JHY: variants seen among roughly 807,000 people sequenced by gnomAD.
The protein encoded by JHY is jhy protein homolog.
A neutral mutation model predicts 78.0 loss-of-function variants in JHY; 69 were observed. That is an observed-to-expected ratio of 0.88 (90% CI 0.73 to 1.08). The LOEUF (loss-of-function observed/expected upper bound fraction) is 1.08, where lower values mean the gene tolerates loss of function less well. Among genes scored for constraint, JHY ranks in the 50% least tolerant of loss-of-function variants. JHY has a pLI of 0.00. For synonymous variants in JHY, 368 were observed against 342.6 expected, an observed-to-expected ratio of 1.07 and a Z score of -0.82; for missense variants, 944 against 927.8, an observed-to-expected ratio of 1.02 and a Z score of -0.23.
intron 2 of JHY, among the ~76,000 whole-genome samples, chr11:122,900,010 TG>T (rs1186544980): frequency 6.6e-6 from 1 of 152,198 alleles, no homozygotes; most frequent in Admixed American, 6.5e-5. Context: ...GTGCATCACT[TG>T]GGAGAAACCT....
intron 4 of JHY, among the ~76,000 whole-genome samples, 157 bp from the exon 5 acceptor site, chr11:122,934,262 GC>G (rs1182189397): frequency 6.6e-6 from 1 of 151,914 alleles, no homozygotes; most frequent in Non-Finnish European, 1.5e-5. Flanking sequence ...CTTGCAGTGA[GC>G]CCAGATCGTG....
intron 3 of JHY, among the ~76,000 whole-genome samples, chr11:122,916,441 G>C (rs117935380): frequency 6.6e-6 from 1 of 151,966 alleles, no homozygotes; most frequent in Non-Finnish European, 1.5e-5. Flanking sequence ...TTTTACCAAG[G>C]GGCCAAGGTC....
At chr11:122,907,636 G>A (rs1409957456) in intron 3 of JHY, among the ~76,000 whole-genome samples, 1 of 151,910 alleles carries the variant, frequency 6.6e-6, no homozygotes, top group African/African-American at 2.4e-5. Flanking sequence ...CCTGAAGTTG[G>A]GAGTTCGAGA....
intron 6 of JHY, among the ~76,000 whole-genome samples, chr11:122,951,652 A>G (rs1591399882): frequency 6.6e-6 from 1 of 152,222 alleles, no homozygotes; most frequent in Non-Finnish European, 1.5e-5. Flanking sequence ...CTGAACAGTC[A>G]ATGTCACTTC....
At chr11:122,927,290 T>A (rs1160861082) in intron 4 of JHY, 2 of 152,220 alleles carry the variant, frequency 1.3e-5, no homozygotes, top group African/African-American at 4.8e-5. Context: ...ACCAAAAGAA[T>A]GCTTTTTATT....
At chr11:122,897,004 G>A (rs983273698) in intron 2 of JHY, among the ~76,000 whole-genome samples, 16 of 149,760 alleles carry the variant, frequency 1.1e-4, no homozygotes, top group Non-Finnish European at 2.2e-4. Context: ...TTACAGGCAC[G>A]TGCCGCCATG....
chr11:122,932,996 A>T (rs1047913086), intron 4 of JHY, among the ~76,000 whole-genome samples: 1 of 152,222 alleles, frequency 6.6e-6, no homozygotes, highest in African/African-American at 2.4e-5. Context: ...TTCAAATTAG[A>T]AGTCGTTATT....
chr11:122,913,438 C>G (rs2135322960), intron 3 of JHY, among the ~76,000 whole-genome samples: 1 of 152,218 alleles, frequency 6.6e-6, no homozygotes, highest in South Asian at 2.1e-4. Flanking sequence ...AAATAAAACT[C>G]AAACTCTGAG....
intron 8 of JHY, among the ~76,000 whole-genome samples, chr11:122,958,520 T>C (rs537378144): frequency 1.3e-5 from 2 of 151,554 alleles, no homozygotes; most frequent in African/African-American, 4.9e-5. Flanking sequence ...CTGAGAAGTC[T>C]AGACTTTTCT....
intron 3 of JHY, among the ~76,000 whole-genome samples, chr11:122,918,860 G>A (rs80347387): frequency 0.014 from 2,117 of 146,810 alleles, 153 homozygotes; most frequent in African/African-American, 0.054. Flanking sequence ...CCTTTTTCCT[G>A]CCTTCCTGGA....
intron 2 of JHY, among the ~76,000 whole-genome samples, chr11:122,902,708 G>T (rs1862888060): frequency 1.3e-5 from 2 of 152,124 alleles, no homozygotes; most frequent in African/African-American, 4.8e-5. Context: ...AAGAGAGAGG[G>T]TGGGGAGCTG....
At chr11:122,939,341 A>G (rs1174696639) in intron 5 of JHY, among the ~76,000 whole-genome samples, 1 of 152,076 alleles carries the variant, frequency 6.6e-6, no homozygotes, top group East Asian at 1.9e-4. Context: ...ACTCTCACAT[A>G]GACTTTCACC....
In JHY at chr11:122,962,135, G is replaced by T. The variant is rs1332114278; in HGVS notation, c.*2690G>T. On this transcript the variant is annotated 3_prime_UTR_variant, in exon 9 of 9. Transcript: ENST00000227349. ...TAGTTTTTAAATCTTTTTTAATATT[G>T]CAAGAATTCCCAGTCTTAAAATCAT... Among the ~76,000 whole-genome samples, 1 of 152,094 alleles carries T rather than the reference G, an allele frequency of 6.6e-6. No individual in the cohort carries two copies. The highest frequency in any genetic ancestry group is 1.5e-5 in the Non-Finnish European group (1 of 68,016).
intron 5 of JHY, among the ~76,000 whole-genome samples, chr11:122,945,530 A>G (rs1293437194): frequency 6.6e-6 from 1 of 152,114 alleles, no homozygotes; most frequent in East Asian, 1.9e-4. Flanking sequence ...GCTGACTCTC[A>G]TATTTGGTAG....
intron 3 of JHY, among the ~76,000 whole-genome samples, chr11:122,920,897 T>G (rs1863349675): frequency 6.6e-6 from 1 of 152,182 alleles, no homozygotes; most frequent in Admixed American, 6.5e-5. Flanking sequence ...ATGATTGCTG[T>G]CTTTGTTGTA....
intron 5 of JHY, among the ~76,000 whole-genome samples, chr11:122,940,749 T>C (rs1863857554): frequency 6.6e-6 from 1 of 152,212 alleles, no homozygotes; most frequent in African/African-American, 2.4e-5. Flanking sequence ...AAAATGGTGA[T>C]TTTGTAATTC....
chr11:122,938,159 T>C (rs1591392586), intron 5 of JHY, among the ~76,000 whole-genome samples: 2 of 152,158 alleles, frequency 1.3e-5, no homozygotes, highest in South Asian at 4.1e-4. Flanking sequence ...TGAAAACATA[T>C]GACCTTCAGT....
chr11:122,958,561 C>A, intron 8 of JHY: 1 of 238,822 alleles, frequency 4.2e-6, no homozygotes, highest in South Asian at 1.5e-4. Context: ...TTTTTTTCCC[C>A]TTGCAGGACT....
chr11:122,906,273 G>C (rs117743007), intron 3 of JHY, among the ~76,000 whole-genome samples: 1 of 152,006 alleles, frequency 6.6e-6, no homozygotes, highest in African/African-American at 2.4e-5. Flanking sequence ...CTATAACCTC[G>C]ACCTCCTGGG....
Sources: allele counts gnomAD v4.1 joint callset (sites outside exome capture counted in the v4.1 genomes callset), GRCh38; gene constraint gnomAD v4.1.1; transcripts MANE v1.5; gene names NCBI Gene and HGNC (gene_info 2026-07-23, HGNC 2026-07-21).